The following GRM8 variants were observed in gnomAD, a reference collection of about 807,000 sequenced individuals.
GRM8 encodes metabotropic glutamate receptor 8.
A neutral mutation model predicts 87.2 loss-of-function variants in GRM8; 47 were observed. The ratio of observed to expected loss-of-function variants is 0.54; its 90% CI spans 0.43 to 0.69. GRM8 has a LOEUF of 0.69. Among genes scored for constraint, GRM8 ranks in the 30% least tolerant of loss-of-function variants. The pLI is 0.00. For missense variants in GRM8, 1,019 were observed against 1,139.2 expected (o/e 0.89, Z 1.52); for synonymous variants, 396 against 404.5 (o/e 0.98, Z 0.25).
Position 127,167,342 on chromosome 7 carries a change from G to A in GRM8, c.511-60630C>T, listed in dbSNP as rs200688623. ...TTGTATAAGTTCTAACAATTGTTGT[G>A]GTTACTGTTGGGTTTTAATAATATA... On this transcript the variant is annotated intron_variant, in intron 2 of 10. Coordinates refer to ENST00000339582, the MANE Select transcript of GRM8 (RefSeq NM_000845.3). Among the ~76,000 whole-genome samples the A allele has an allele frequency of 5.3e-5, 8 of 152,206 alleles. No individual in the cohort carries two copies. In the East Asian group the frequency reaches 1.4e-3, roughly 26 times the overall value.
At chr7:127,163,085 G>T (rs1793218252) in intron 2 of GRM8, among the ~76,000 whole-genome samples, 1 of 152,052 alleles carries the variant, frequency 6.6e-6, no homozygotes. Context: ...GAGGGATAGG[G>T]GTTGTAGTAG....
chr7:127,011,002 A>G (rs1409846039), intron 3 of GRM8, among the ~76,000 whole-genome samples: 2 of 152,140 alleles, frequency 1.3e-5, no homozygotes, highest in African/African-American at 4.8e-5. Flanking sequence ...ATTACCATCT[A>G]GTTCATTATT....
intron 3 of GRM8, among the ~76,000 whole-genome samples, chr7:127,003,097 G>A (rs1813889233): frequency 6.6e-6 from 1 of 151,652 alleles, no homozygotes; most frequent in Non-Finnish European, 1.5e-5. Context: ...AGTTAGGTGG[G>A]AGTGAGTTGA....
At chr7:126,803,771 C>T (rs77904504) in intron 6 of GRM8, among the ~76,000 whole-genome samples, 1,715 of 152,316 alleles carry the variant, frequency 0.011, 34 homozygotes, top group African/African-American at 0.039. Flanking sequence ...AAGTTGTTCA[C>T]CACTTACTTG....
At chr7:127,131,826 C>T (rs1587100323) in intron 2 of GRM8, among the ~76,000 whole-genome samples, 1 of 151,894 alleles carries the variant, frequency 6.6e-6, no homozygotes, top group East Asian at 1.9e-4. Context: ...TTTAACATTT[C>T]CTCTTTTATC....
rs76657830 is a variant in GRM8, at chr7:126,622,743, C to T, written c.1358-13245G>A. On this transcript the variant is annotated intron_variant, in intron 7 of 10. Transcript: ENST00000339582. ...TCTCAAGAAGAAAGCAACTAAAATC[C>T]GTTACTCTATCCCCACAGACTCATT... Among the ~76,000 whole-genome samples the T allele has an allele frequency of 4.6e-5, 7 of 152,270 alleles. No homozygotes were observed. In the East Asian group the frequency reaches 7.7e-4, roughly 17 times the overall value.
At chr7:126,903,589 C>G (rs1463801114) in intron 5 of GRM8, among the ~76,000 whole-genome samples, 1 of 145,882 alleles carries the variant, frequency 6.9e-6, no homozygotes. Context: ...CACACACACA[C>G]ACACACACAC....
chr7:126,648,859 C>T (rs887561305), intron 7 of GRM8, among the ~76,000 whole-genome samples: 13 of 152,170 alleles, frequency 8.5e-5, no homozygotes, highest in Non-Finnish European at 1.5e-5. Context: ...TATAGGGAAA[C>T]ACCATATTCC....
intron 3 of GRM8, among the ~76,000 whole-genome samples, chr7:126,963,495 G>C (rs1039108294): frequency 6.6e-6 from 1 of 152,126 alleles, no homozygotes; most frequent in Non-Finnish European, 1.5e-5. Flanking sequence ...CAAAATCAAT[G>C]TGCAAAAGTC....
intron 2 of GRM8, among the ~76,000 whole-genome samples, chr7:127,186,863 C>T (rs1251235966): frequency 6.6e-6 from 1 of 152,144 alleles, no homozygotes; most frequent in Non-Finnish European, 1.5e-5. Context: ...ACACATAGCA[C>T]ATCATTATTG....
At chr7:127,060,858 C>A (rs958956754) in intron 3 of GRM8, among the ~76,000 whole-genome samples, 5 of 151,868 alleles carry the variant, frequency 3.3e-5, no homozygotes, top group Non-Finnish European at 7.4e-5. Context: ...AGCAAAGAAT[C>A]TTTTGTAGTA....
At chr7:126,991,731 G>A (rs1812675528) in intron 3 of GRM8, among the ~76,000 whole-genome samples, 1 of 152,100 alleles carries the variant, frequency 6.6e-6, no homozygotes. Flanking sequence ...AATGGAAACA[G>A]AGTTGATTTT....
At chr7:126,537,677 T>G (rs1392003233) in intron 8 of GRM8, among the ~76,000 whole-genome samples, 1 of 152,032 alleles carries the variant, frequency 6.6e-6, no homozygotes, top group East Asian at 1.9e-4. Context: ...CTTGGGAGGC[T>G]GAGGCAGGAG....
chr7:126,718,195 C>T (rs1375310290), intron 7 of GRM8, among the ~76,000 whole-genome samples: 1 of 151,982 alleles, frequency 6.6e-6, no homozygotes, highest in African/African-American at 2.4e-5. Flanking sequence ...CGAGATCACG[C>T]CACTGCACTC....
chr7:127,060,922 C>CT (rs1456670950), intron 3 of GRM8, among the ~76,000 whole-genome samples: 5 of 152,120 alleles, frequency 3.3e-5, no homozygotes, highest in Non-Finnish European at 7.4e-5. Flanking sequence ...CACATATTTG[C>CT]TTTTTCAAAT....
At chr7:127,184,790 G>C (rs1794648769) in intron 2 of GRM8, among the ~76,000 whole-genome samples, 1 of 151,844 alleles carries the variant, frequency 6.6e-6, no homozygotes, top group Non-Finnish European at 1.5e-5. Flanking sequence ...CACTATAGAA[G>C]AATAGAAGGT....
At chr7:126,679,491 A>T (rs1488943315) in intron 7 of GRM8, among the ~76,000 whole-genome samples, 7 of 152,234 alleles carry the variant, frequency 4.6e-5, no homozygotes, top group Non-Finnish European at 8.8e-5. Flanking sequence ...ATGCCTAGAG[A>T]GTGAAACAAC....
At position 126,814,521 on chromosome 7, in the gene GRM8, G is replaced by A. The variant is rs578031512; in HGVS notation, c.1157-44456C>T. Among the ~76,000 whole-genome samples, 11 of 152,146 alleles carry A rather than the reference G, an allele frequency of 7.2e-5. No homozygotes were observed. In the South Asian group the frequency reaches 2.3e-3, roughly 32 times the overall value. On this transcript the variant is annotated intron_variant, in intron 6 of 10. Coordinates refer to ENST00000339582, the MANE Select transcript of GRM8 (RefSeq NM_000845.3). ...TTATAGAAATAGTTGGTCTTCAGAA[G>A]CAGATGGCTGATCCAAAACCTCCAG...
chr7:126,833,468 C>T (rs1008128524), intron 6 of GRM8, among the ~76,000 whole-genome samples: 8 of 152,190 alleles, frequency 5.3e-5, no homozygotes, highest in African/African-American at 1.9e-4. Flanking sequence ...GCTTAAATAA[C>T]AGACATATAA....
Sources: gnomAD v4.1 joint callset for allele counts (sites outside exome capture counted in the v4.1 genomes callset) on GRCh38, gnomAD v4.1.1 for gene constraint, MANE v1.5 for transcripts, NCBI Gene and HGNC (gene_info 2026-07-23, HGNC 2026-07-21) for gene names.